Variants in NEK11 observed in about 807,000 individuals in gnomAD.
The protein encoded by NEK11 is NIMA related kinase 11.
NEK11 carries 72 observed loss-of-function variants against 80.7 expected under a neutral mutation model. The ratio of observed to expected loss-of-function variants is 0.89; its 90% CI spans 0.74 to 1.08. The LOEUF (loss-of-function observed/expected upper bound fraction) is 1.08, where lower values mean the gene tolerates loss of function less well. NEK11 is among the 50% of genes least tolerant of loss of function. The pLI is 0.00. For synonymous variants in NEK11, 251 were observed against 260.7 expected (o/e 0.96, Z 0.36); for missense variants, 764 against 763.6 (o/e 1.00, Z -0.01).
chr3:131,115,728 C>G (rs2080903257), intron 5 of NEK11, among the ~76,000 whole-genome samples: 1 of 152,060 alleles, frequency 6.6e-6, no homozygotes, highest in Non-Finnish European at 1.5e-5. Flanking sequence ...AGAGAGCCCA[C>G]CTGCTGGTGG....
At chr3:131,173,733 C>G (rs1415014789) in intron 14 of NEK11, among the ~76,000 whole-genome samples, 1 of 151,932 alleles carries the variant, frequency 6.6e-6, no homozygotes, top group Non-Finnish European at 1.5e-5. Flanking sequence ...CCAAATTACT[C>G]CCAAGCTAGC....
At position 131,038,817 on chromosome 3, in the gene NEK11, A is replaced by T. The variant is rs959228443; in HGVS notation, c.170+8939A>T. 2.6e-5 allele frequency among the ~76,000 whole-genome samples: 4 copies of T among 152,216 alleles called. No individual in the cohort carries two copies. The East Asian group carries it at 7.7e-4, about 29-fold the overall frequency. On this transcript the variant is annotated intron_variant, in intron 3 of 17. Coordinates refer to ENST00000383366, the MANE Select transcript of NEK11 (RefSeq NM_024800.5). ...TTGTTAGATTTTCAGACTTATTTAA[A>T]TTTATCATTCCACTCTGTTCTTTCA...
At position 131,271,185 on chromosome 3, in the gene NEK11, G is replaced by A. The variant is rs77875567; in HGVS notation, c.1622-2293G>A. ...TGGAAGGGGCAATCTCCAGGAGTGA[G>A]AGAAATGGGAGCAATCAGTTGCTGG... On this transcript the variant is annotated intron_variant, in intron 16 of 17. Coordinates refer to ENST00000383366, the MANE Select transcript of NEK11 (RefSeq NM_024800.5). Among the ~76,000 whole-genome samples the A allele has an allele frequency of 5.3e-3, 812 of 152,290 alleles. 4 individuals are homozygous for A. Among genetic ancestry groups the A allele is most frequent in the African/African-American group, 0.017 (713 of 41,552 alleles).
chr3:131,311,106 AC>A (rs1055789500), intron 17 of NEK11, among the ~76,000 whole-genome samples: 1 of 152,080 alleles, frequency 6.6e-6, no homozygotes, highest in Non-Finnish European at 1.5e-5. Flanking sequence ...GAAGCCCTGC[AC>A]TTTTTTTCAA....
At chr3:131,288,455 T>TTCTTTC (rs2096501666) in intron 17 of NEK11, among the ~76,000 whole-genome samples, 4 of 145,458 alleles carry the variant, frequency 2.7e-5, no homozygotes, top group East Asian at 2.0e-4. Context: ...TCTTTCTTTT[T>TTCTTTC]TTTTTTTTTT....
chr3:131,077,329 T>C lies in NEK11; in HGVS notation c.171-3094T>C, dbSNP rs1350315341. Among the ~76,000 whole-genome samples the C allele has an allele frequency of 5.9e-5, 9 of 152,318 alleles. No individual in the cohort carries two copies. In the East Asian group the frequency reaches 1.5e-3, roughly 26 times the overall value. On this transcript the variant is annotated intron_variant, in intron 3 of 17. Transcript: ENST00000383366. ...GATACAGATCTCGTATTAAGTGATA[T>C]GCAATGAGAGTTTCCTCTGTCAGCT...
At chr3:131,331,765 A>G (rs2097089490) in intron 17 of NEK11, among the ~76,000 whole-genome samples, 1 of 152,142 alleles carries the variant, frequency 6.6e-6, no homozygotes, top group Admixed American at 6.5e-5. Context: ...CCACCCTAAT[A>G]CTGCGCTTTT....
At chr3:131,110,026 G>T (rs1173425734) in intron 5 of NEK11, 105 bp downstream of exon 5, 21 of 1,142,064 alleles carry the variant, frequency 1.8e-5, no homozygotes, top group Non-Finnish European at 2.6e-5. Flanking sequence ...AAGTTCAAAA[G>T]GTATATGGCT....
intron 4 of NEK11, among the ~76,000 whole-genome samples, chr3:131,107,536 C>T (rs1578361002): frequency 1.3e-5 from 2 of 152,026 alleles, no homozygotes; most frequent in African/African-American, 4.8e-5. Context: ...GTCTTTCTGC[C>T]ACTGGAGATG....
chr3:131,286,373 T>A (rs1469266129), intron 17 of NEK11, among the ~76,000 whole-genome samples: 1 of 152,218 alleles, frequency 6.6e-6, no homozygotes, highest in African/African-American at 2.4e-5. Flanking sequence ...TTCTTGTTCA[T>A]GTTTCTTTTT....
intron 10 of NEK11, among the ~76,000 whole-genome samples, chr3:131,156,009 T>C (rs1189784781): frequency 1.3e-5 from 2 of 152,226 alleles, no homozygotes; most frequent in East Asian, 3.8e-4. Flanking sequence ...AAATTTCCAA[T>C]TGTATTTTAT....
At chr3:131,096,736 T>TTTA (rs1327417369) in intron 4 of NEK11, among the ~76,000 whole-genome samples, 1 of 151,968 alleles carries the variant, frequency 6.6e-6, no homozygotes, top group Non-Finnish European at 1.5e-5. Flanking sequence ...TTAATTTTAT[T>TTTA]TTATTATTAT....
At chr3:131,348,219 T>G (rs2097395596) in intron 17 of NEK11, among the ~76,000 whole-genome samples, 1 of 152,100 alleles carries the variant, frequency 6.6e-6, no homozygotes, top group African/African-American at 2.4e-5. Context: ...TGTAAAAGCC[T>G]AATATCTAAA....
At chr3:131,213,715 C>G (rs375155507) in intron 14 of NEK11, among the ~76,000 whole-genome samples, 3 of 152,250 alleles carry the variant, frequency 2.0e-5, no homozygotes, top group East Asian at 3.9e-4. Flanking sequence ...CGAAGCATGT[C>G]AGAAATGCAG....
At chr3:131,045,649 TG>T (rs2067267812) in intron 3 of NEK11, among the ~76,000 whole-genome samples, 1 of 152,142 alleles carries the variant, frequency 6.6e-6, no homozygotes, top group African/African-American at 2.4e-5. Context: ...TAGTATGTCC[TG>T]TGGCTTTATT....
chr3:131,335,822 T>C (rs1413765419), intron 17 of NEK11, among the ~76,000 whole-genome samples: 6 of 152,198 alleles, frequency 3.9e-5, no homozygotes, highest in Non-Finnish European at 5.9e-5. Context: ...TATACATCAA[T>C]AACAGACAAA....
At chr3:131,173,870 C>G (rs1421799508) in intron 14 of NEK11, among the ~76,000 whole-genome samples, 1 of 152,040 alleles carries the variant, frequency 6.6e-6, no homozygotes, top group Non-Finnish European at 1.5e-5. Flanking sequence ...GACTGGAAAT[C>G]GTCAAATCTA....
At chr3:131,059,590 C>G (rs1351428735) in intron 3 of NEK11, among the ~76,000 whole-genome samples, 6 of 152,146 alleles carry the variant, frequency 3.9e-5, no homozygotes, top group African/African-American at 1.4e-4. Flanking sequence ...TTTCAAGAAG[C>G]CAAATTAAGC....
rs144035872 is a variant in NEK11 at position 131,050,440 on chromosome 3, G to A, written c.170+20562G>A. On this transcript the variant is annotated intron_variant, in intron 3 of 17. Transcript: ENST00000383366. The stretch of plus-strand genomic sequence containing the variant: ...TCATGCTGTTTGTCTTTTTAATTCT[G>A]GCCTCATTTATACCTAGAAATAAAA... Among the ~76,000 whole-genome samples, 5 of 152,154 alleles carry A rather than the reference G, an allele frequency of 3.3e-5. No homozygotes were observed. In the East Asian group the frequency reaches 9.7e-4, roughly 29 times the overall value.
Sources: allele counts gnomAD v4.1 joint callset (sites outside exome capture counted in the v4.1 genomes callset), GRCh38; gene constraint gnomAD v4.1.1; transcripts MANE v1.5; gene names NCBI Gene and HGNC (gene_info 2026-07-23, HGNC 2026-07-21).